The following EFCAB6 variants were observed in gnomAD, a reference collection of about 807,000 sequenced individuals.
EFCAB6 encodes EF-hand calcium binding domain 6.
A neutral mutation model predicts 169.8 loss-of-function variants in EFCAB6; 156 were observed. That is an observed-to-expected ratio of 0.92 (90% confidence interval 0.81 to 1.05). The LOEUF is 1.05. Ranked by LOEUF, EFCAB6 falls within the 50% of genes least tolerant of loss-of-function variation. The pLI is 0.00. For synonymous variants in EFCAB6, 698 were observed against 676.4 expected (o/e 1.03, Z -0.50); for missense variants, 1,800 against 1,829.1 (o/e 0.98, Z 0.29).
At chr22:43,668,293 G>C (rs1410069557) in intron 16 of EFCAB6, among the ~76,000 whole-genome samples, 1 of 152,180 alleles carries the variant, frequency 6.6e-6, no homozygotes, top group Non-Finnish European at 1.5e-5. Context: ...GAATGAGCAA[G>C]TTAGAATAAT....
intron 3 of EFCAB6, among the ~76,000 whole-genome samples, chr22:43,776,134 T>C (rs145761059): frequency 1.2e-4 from 18 of 152,354 alleles, no homozygotes; most frequent in Non-Finnish European, 2.1e-4. Flanking sequence ...GGGATGTCCA[T>C]CTGAAAGTTG....
At chr22:43,729,782 T>C (rs2059869639) in intron 8 of EFCAB6, among the ~76,000 whole-genome samples, 1 of 152,130 alleles carries the variant, frequency 6.6e-6, no homozygotes, top group African/African-American at 2.4e-5. Flanking sequence ...AGAGATCTAG[T>C]AAGTAAATTA....
intron 20 of EFCAB6, among the ~76,000 whole-genome samples, chr22:43,622,710 A>T (rs1026589067): frequency 1.3e-5 from 2 of 152,206 alleles, no homozygotes; most frequent in African/African-American, 4.8e-5. Context: ...ACAATATTTC[A>T]TTATTACTCT....
chr22:43,586,868 G>A (rs2051110979), intron 24 of EFCAB6, among the ~76,000 whole-genome samples: 1 of 152,124 alleles, frequency 6.6e-6, no homozygotes, highest in African/African-American at 2.4e-5. Context: ...CCCTTGCAAT[G>A]GTTCTGATGC....
intron 15 of EFCAB6, among the ~76,000 whole-genome samples, chr22:43,669,766 A>C (rs1036195639): frequency 1.3e-5 from 2 of 152,260 alleles, no homozygotes; most frequent in South Asian, 4.1e-4. Context: ...ATGTAAAAAA[A>C]GAATTATAAA....
chr22:43,723,890 G>A (rs372228356), intron 8 of EFCAB6, among the ~76,000 whole-genome samples: 3 of 151,694 alleles, frequency 2.0e-5, no homozygotes, highest in South Asian at 2.1e-4. Flanking sequence ...CATCGAGCAG[G>A]CTTTTTAGGG....
chr22:43,685,719 T>C (rs761651864), intron 11 of EFCAB6, among the ~76,000 whole-genome samples: 39 of 152,332 alleles, frequency 2.6e-4, no homozygotes, highest in African/African-American at 7.5e-4. Flanking sequence ...ACTGCAGTTA[T>C]GAAACTGGGT....
At chr22:43,737,238 C>A (rs1355875883) in intron 6 of EFCAB6, among the ~76,000 whole-genome samples, 2 of 152,052 alleles carry the variant, frequency 1.3e-5, no homozygotes, top group African/African-American at 2.4e-5. Flanking sequence ...GCGTGGTAAT[C>A]CCTCTTTACT....
chr22:43,781,588 G>A (rs886672873), intron 3 of EFCAB6, among the ~76,000 whole-genome samples: 2 of 152,090 alleles, frequency 1.3e-5, no homozygotes, highest in African/African-American at 2.4e-5. Flanking sequence ...CTCGACCTCC[G>A]GAAGTGCTTG....
intron 17 of EFCAB6, among the ~76,000 whole-genome samples, chr22:43,666,694 T>TTG (rs1433833011): frequency 1.2e-3 from 131 of 111,798 alleles, no homozygotes; most frequent in Middle Eastern, 4.5e-3. Context: ...CCAGATTGTT[T>TTG]TTTTTTTTTT....
intron 13 of EFCAB6, among the ~76,000 whole-genome samples, chr22:43,675,220 A>G (rs1314853962): frequency 1.4e-5 from 2 of 144,596 alleles, no homozygotes; most frequent in Non-Finnish European, 3.0e-5. Context: ...ATATCATATA[A>G]CTATGTATAT....
chr22:43,718,047 TCCATCCATCCATCCAC>T (rs1358024475), intron 8 of EFCAB6, among the ~76,000 whole-genome samples: 3 of 70,446 alleles, frequency 4.3e-5, no homozygotes, highest in African/African-American at 9.3e-5. Flanking sequence ...TTTCTATGCA[TCCATCCATCCATCCAC>T]CCATCCATCC....
At chr22:43,773,168 G>A (rs2061533505) in intron 3 of EFCAB6, 65 bp from the exon 4 acceptor site, 2 of 1,528,972 alleles carry the variant, frequency 1.3e-6, no homozygotes, top group African/African-American at 2.7e-5. Context: ...AGAAACTCTT[G>A]CACTGTTGAA....
chr22:43,740,758 C>T (rs1284215192), intron 6 of EFCAB6, among the ~76,000 whole-genome samples: 2 of 152,198 alleles, frequency 1.3e-5, no homozygotes, highest in African/African-American at 4.8e-5. Context: ...CTCCACTCCA[C>T]CGCTCTGCCT....
chr22:43,731,165 C>T (rs1359407292), intron 8 of EFCAB6, among the ~76,000 whole-genome samples: 2 of 152,086 alleles, frequency 1.3e-5, no homozygotes, highest in Admixed American at 1.3e-4. Context: ...CCCTGGGCGT[C>T]GTATGGAGGA....
intron 17 of EFCAB6, among the ~76,000 whole-genome samples, chr22:43,644,062 G>C (rs982979263): frequency 6.6e-6 from 1 of 152,068 alleles, no homozygotes; most frequent in South Asian, 2.1e-4. Context: ...GACCTCAGGT[G>C]ATCCACCTGC....
At chr22:43,673,484 T>C (rs1569358564) in intron 13 of EFCAB6, among the ~76,000 whole-genome samples, 1 of 152,126 alleles carries the variant, frequency 6.6e-6, no homozygotes, top group Non-Finnish European at 1.5e-5. Context: ...TATTTTAAAA[T>C]TAGATAGCAG....
chr22:43,554,061 C>T (rs1415770262), intron 27 of EFCAB6: 1 of 152,664 alleles, frequency 6.6e-6, no homozygotes, highest in African/African-American at 2.4e-5. Flanking sequence ...CGCCAGCCTC[C>T]TGCCAGGGTC....
At chr22:43,807,306 G>A (rs986788604) in intron 2 of EFCAB6, among the ~76,000 whole-genome samples, 11 of 152,136 alleles carry the variant, frequency 7.2e-5, no homozygotes, top group African/African-American at 2.7e-4. Flanking sequence ...CTCAGCTGAG[G>A]TTTTCAAAAT....
Sources: gnomAD v4.1 joint callset for allele counts (sites outside exome capture counted in the v4.1 genomes callset) on GRCh38, gnomAD v4.1.1 for gene constraint, MANE v1.5 for transcripts, NCBI Gene and HGNC (gene_info 2026-07-23, HGNC 2026-07-21) for gene names.